CNOT10: variants seen among roughly 807,000 people sequenced by gnomAD.
The protein encoded by CNOT10 is CCR4-NOT transcription complex, subunit 10.
Under a neutral mutation model 94.6 loss-of-function variants are expected in CNOT10, and 30 were observed. That is an observed-to-expected ratio of 0.32 (90% confidence interval 0.24 to 0.43). The LOEUF (loss-of-function observed/expected upper bound fraction) is 0.43. CNOT10 is among the 20% of genes least tolerant of loss of function. The probability of loss-of-function intolerance (pLI) is 1.00; values close to 1 mark genes in which losing one functional copy is unlikely to be tolerated. For synonymous variants in CNOT10, 289 were observed against 301.6 expected, an observed-to-expected ratio of 0.96 and a Z score of 0.43; for missense variants, 759 against 877.2, an observed-to-expected ratio of 0.87 and a Z score of 1.70.
intron 13 of CNOT10, among the ~76,000 whole-genome samples, chr3:32,741,480 A>G (rs1366832571): frequency 6.6e-6 from 1 of 152,016 alleles, no homozygotes; most frequent in Non-Finnish European, 1.5e-5. Context: ...ATTTTAAGAA[A>G]CTGCCAAGGC....
At chr3:32,690,383 TTTTTG>T (rs950242155) in intron 1 of CNOT10, among the ~76,000 whole-genome samples, 2 of 152,072 alleles carry the variant, frequency 1.3e-5, no homozygotes, top group Admixed American at 1.3e-4. Context: ...TTTTTTGGTT[TTTTTG>T]TTTTGTTTTG....
At position 32,730,350 on chromosome 3, in the gene CNOT10, G is replaced by A. The variant is rs79881869; in HGVS notation, c.1215+2480G>A. ...GAGAAGGAGCGGGAGGGGAGGATAA[G>A]TATTTTCCATATTAATATGCTGCCA... On this transcript the variant is annotated intron_variant, in intron 10 of 18. Transcript: ENST00000328834. Among the ~76,000 whole-genome samples the A allele has an allele frequency of 1.9e-3, 291 of 152,124 alleles. 6 individuals carry two copies. In the East Asian group the frequency reaches 0.051, roughly 27 times the overall value.
At chr3:32,691,030 C>T (rs1470221705) in intron 1 of CNOT10, among the ~76,000 whole-genome samples, 3 of 135,354 alleles carry the variant, frequency 2.2e-5, no homozygotes, top group South Asian at 2.3e-4. Flanking sequence ...GAGTCTCACT[C>T]TGTTGCCCAG....
At chr3:32,689,587 C>T (rs1357286533) in intron 1 of CNOT10, among the ~76,000 whole-genome samples, 1 of 152,144 alleles carries the variant, frequency 6.6e-6, no homozygotes, top group Non-Finnish European at 1.5e-5. Context: ...CCCTTGAATA[C>T]AAGCTCCCCG....
At chr3:32,727,488 C>T (rs1053623798) in intron 9 of CNOT10, among the ~76,000 whole-genome samples, 180 bp from the exon 10 acceptor site, 6 of 152,090 alleles carry the variant, frequency 3.9e-5, no homozygotes, top group African/African-American at 1.4e-4. Flanking sequence ...ACTAAGATGA[C>T]TCTGGAGAAT....
intron 15 of CNOT10, among the ~76,000 whole-genome samples, chr3:32,763,970 A>G (rs796452216): frequency 7.2e-5 from 11 of 152,244 alleles, no homozygotes; most frequent in African/African-American, 2.4e-4. Context: ...GTCTCTACTA[A>G]AAATACAAAA....
chr3:32,730,889 C>T (rs1698911517), intron 10 of CNOT10: 1 of 152,146 alleles, frequency 6.6e-6, no homozygotes, highest in Admixed American at 6.5e-5. Flanking sequence ...TATGTATGAT[C>T]CTTTTACCTT....
intron 13 of CNOT10, among the ~76,000 whole-genome samples, chr3:32,745,462 A>G (rs999186386): frequency 4.6e-3 from 13 of 2,826 alleles, no homozygotes; most frequent in South Asian, 0.1. Flanking sequence ...GTTTTATTCA[A>G]TTAAGGATTG....
chr3:32,735,261 C>T (rs996523000), intron 12 of CNOT10, among the ~76,000 whole-genome samples: 2 of 150,888 alleles, frequency 1.3e-5, no homozygotes, highest in Non-Finnish European at 2.9e-5. Context: ...AAGAAAATTG[C>T]TTGAACCCAG....
At chr3:32,695,258 G>T (rs900340297) in intron 1 of CNOT10, among the ~76,000 whole-genome samples, 28 of 152,130 alleles carry the variant, frequency 1.8e-4, no homozygotes, top group Non-Finnish European at 4.1e-4. Context: ...TCATATGTGA[G>T]GTATGTTAAC....
At chr3:32,764,221 C>T in intron 15 of CNOT10, 1 of 464,328 alleles carries the variant, frequency 2.2e-6, no homozygotes, top group Non-Finnish European at 3.8e-6. Flanking sequence ...CCTGTAATCC[C>T]AGCTACTCAG....
At chr3:32,689,955 A>G (rs1696783320) in intron 1 of CNOT10, among the ~76,000 whole-genome samples, 1 of 152,184 alleles carries the variant, frequency 6.6e-6, no homozygotes. Context: ...CCTGTCTCAA[A>G]CAGAAAACAA....
chr3:32,772,057 G>T (rs1441999922), intron 18 of CNOT10, among the ~76,000 whole-genome samples: 1 of 152,072 alleles, frequency 6.6e-6, no homozygotes, highest in Non-Finnish European at 1.5e-5. Flanking sequence ...GAGATTAGAA[G>T]GGACAGAAAT....
Position 32,708,744 on chromosome 3 carries a change from C to A in CNOT10, c.354C>A (p.Val118=), listed in dbSNP as rs1697737192. ...ENSMLYYNQA[V]ILYHLRQYTE... ...GCATGTTGTACTATAATCAAGCAGT[C>A]ATTCTTTATCATCTGCGGCAGTATA... The change falls in exon 4 of 19, where the codon GTC becomes GTA. Residue 118 remains valine, a synonymous_variant. Coordinates refer to ENST00000328834, the MANE Select transcript of CNOT10 (RefSeq NM_015442.3). The A allele has an allele frequency of 1.2e-6, 2 of 1,613,304 alleles. No individual in the cohort carries two copies. Among genetic ancestry groups the A allele is most frequent in the Non-Finnish European group, 1.7e-6 (2 of 1,179,580 alleles).
At chr3:32,715,058 C>G (rs572238631) in intron 5 of CNOT10, among the ~76,000 whole-genome samples, 3 of 152,130 alleles carry the variant, frequency 2.0e-5, no homozygotes, top group Non-Finnish European at 4.4e-5. Context: ...ATATTCAGTA[C>G]TTGTAAAATT....
intron 13 of CNOT10, among the ~76,000 whole-genome samples, chr3:32,758,532 C>T (rs944166062): frequency 6.6e-6 from 1 of 152,192 alleles, no homozygotes; most frequent in African/African-American, 2.4e-5. Flanking sequence ...CTTCCTTAGA[C>T]TAAAATTACA....
At chr3:32,747,143 A>G (rs1699735996) in intron 13 of CNOT10, among the ~76,000 whole-genome samples, 1 of 151,872 alleles carries the variant, frequency 6.6e-6, no homozygotes, top group South Asian at 2.1e-4. Flanking sequence ...TAGGCTTGGC[A>G]GGTGGCTCAC....
At chr3:32,737,090 G>C (rs1453787777) in intron 12 of CNOT10, among the ~76,000 whole-genome samples, 1 of 152,178 alleles carries the variant, frequency 6.6e-6, no homozygotes, top group Non-Finnish European at 1.5e-5. Context: ...AAGGCAGGTG[G>C]ATCACCTGAG....
intron 1 of CNOT10, among the ~76,000 whole-genome samples, chr3:32,702,097 C>CT (rs71630535): frequency 0.31 from 42,865 of 137,990 alleles, 7,393 homozygotes; most frequent in African/African-American, 0.46. Flanking sequence ...CACACCTGGC[C>CT]TTTTTTTTTT....
Sources: gnomAD v4.1 joint callset for allele counts (sites outside exome capture counted in the v4.1 genomes callset) on GRCh38, gnomAD v4.1.1 for gene constraint, MANE v1.5 for transcripts, NCBI Gene and HGNC (gene_info 2026-07-23, HGNC 2026-07-21) for gene names.